RBFOX1: variants seen among roughly 807,000 people sequenced by gnomAD.
RBFOX1 encodes RNA binding fox-1 homolog 1.
RBFOX1 carries 8 observed loss-of-function variants against 57.7 expected under a neutral mutation model. The ratio of observed to expected loss-of-function variants is 0.14; its 90% CI spans 0.08 to 0.25. The LOEUF (loss-of-function observed/expected upper bound fraction) is 0.25, where lower values mean the gene tolerates loss of function less well. Among genes scored for constraint, RBFOX1 ranks in the 10% least tolerant of loss-of-function variants. The pLI, the probability that RBFOX1 is intolerant of heterozygous loss-of-function variation, is 1.00. For synonymous variants in RBFOX1, 326 were observed against 222.4 expected (o/e 1.47, Z -4.15); for missense variants, 611 against 548.5 (o/e 1.11, Z -1.14).
At chr16:5,677,876 G>T (rs983868323) in intron 3 of RBFOX1, among the ~76,000 whole-genome samples, 2 of 152,198 alleles carry the variant, frequency 1.3e-5, no homozygotes, top group East Asian at 3.9e-4. Context: ...GGTGCAAAGA[G>T]AGATGAAGTG....
intron 4 of RBFOX1, among the ~76,000 whole-genome samples, chr16:7,139,664 G>C (rs1258764353): frequency 6.6e-6 from 1 of 152,204 alleles, no homozygotes; most frequent in Admixed American, 6.5e-5. Flanking sequence ...TTGGTAAAGA[G>C]GCAAGGGAGA....
At chr16:5,312,636 A>T (rs773609017) in intron 1 of RBFOX1, among the ~76,000 whole-genome samples, 3 of 152,216 alleles carry the variant, frequency 2.0e-5, no homozygotes, top group Non-Finnish European at 2.9e-5. Context: ...ATTATAGATG[A>T]TATGGGATCC....
intron 3 of RBFOX1, among the ~76,000 whole-genome samples, chr16:6,947,592 T>G (rs1383128086): frequency 6.6e-6 from 1 of 152,204 alleles, no homozygotes; most frequent in Non-Finnish European, 1.5e-5. Context: ...GCTTGCTGCC[T>G]CCTGCCTTGC....
chr16:5,846,319 C>T (rs1197573912), intron 3 of RBFOX1, among the ~76,000 whole-genome samples: 1 of 152,068 alleles, frequency 6.6e-6, no homozygotes, highest in East Asian at 1.9e-4. Context: ...AGGGCACCCC[C>T]CTCTTAAAGT....
intron 4 of RBFOX1, among the ~76,000 whole-genome samples, chr16:7,197,153 C>T (rs7203102): frequency 0.6 from 91,436 of 151,920 alleles, 27,741 homozygotes; most frequent in Middle Eastern, 0.65. Flanking sequence ...TTCATTCTAG[C>T]GTTCTCTGGT....
intron 3 of RBFOX1, among the ~76,000 whole-genome samples, chr16:6,864,764 G>A (rs1299829218): frequency 6.6e-6 from 1 of 151,810 alleles, no homozygotes; most frequent in Non-Finnish European, 1.5e-5. Context: ...ATTTTTAAGT[G>A]TCTTTTTCCT....
chr16:5,606,600 C>G (rs531795146), intron 3 of RBFOX1, among the ~76,000 whole-genome samples: 1 of 152,142 alleles, frequency 6.6e-6, no homozygotes. Flanking sequence ...AGACTCAAAC[C>G]GTGCCCTCAA....
chr16:5,489,532 A>T (rs555839404), intron 2 of RBFOX1, among the ~76,000 whole-genome samples: 2 of 151,968 alleles, frequency 1.3e-5, no homozygotes, highest in Non-Finnish European at 1.5e-5. Context: ...TCCTTTTTTG[A>T]CTTGGTTTCT....
intron 4 of RBFOX1, among the ~76,000 whole-genome samples, chr16:7,444,467 C>CA (rs1180826169): frequency 6.6e-6 from 1 of 152,070 alleles, no homozygotes; most frequent in African/African-American, 2.4e-5. Flanking sequence ...GAGCAGAAAG[C>CA]AAAGGCAGCT....
At chr16:6,634,751 A>AAGATATATTTGTATTAAATATAC (rs2098417913) in intron 2 of RBFOX1, among the ~76,000 whole-genome samples, 2 of 141,276 alleles carry the variant, frequency 1.4e-5, no homozygotes, top group Non-Finnish European at 3.0e-5. Flanking sequence ...TAAATATACA[A>AAGATATATTTGTATTAAATATAC]AGATATACAT....
At chr16:7,034,006 A>T (rs1292392420) in intron 3 of RBFOX1, among the ~76,000 whole-genome samples, 2 of 152,182 alleles carry the variant, frequency 1.3e-5, no homozygotes, top group African/African-American at 4.8e-5. Context: ...ATTTAATTCA[A>T]TACTTAGTGA....
intron 1 of RBFOX1, among the ~76,000 whole-genome samples, chr16:6,287,859 A>G (rs950439540): frequency 6.6e-6 from 1 of 152,166 alleles, no homozygotes; most frequent in African/African-American, 2.4e-5. Flanking sequence ...TTTAGGAAAT[A>G]CTGGTAGAAC....
chr16:6,557,928 G>C (rs2097127714), intron 2 of RBFOX1, among the ~76,000 whole-genome samples: 2 of 152,040 alleles, frequency 1.3e-5, no homozygotes, highest in Non-Finnish European at 2.9e-5. Flanking sequence ...ACTGCTTATG[G>C]CATGCCCAAC....
intron 4 of RBFOX1, among the ~76,000 whole-genome samples, chr16:7,459,849 A>T (rs1369591785): frequency 6.6e-6 from 1 of 152,204 alleles, no homozygotes; most frequent in East Asian, 1.9e-4. Flanking sequence ...CACATTTATT[A>T]CTACTTTTAC....
chr16:5,769,018 C>A (rs960608402), intron 3 of RBFOX1, among the ~76,000 whole-genome samples: 1 of 151,314 alleles, frequency 6.6e-6, no homozygotes, highest in African/African-American at 2.4e-5. Flanking sequence ...GAGTGTCAAA[C>A]AATTTTGTCA....
At chr16:6,316,692 T>A (rs1177678086) in intron 1 of RBFOX1, among the ~76,000 whole-genome samples, 1 of 152,146 alleles carries the variant, frequency 6.6e-6, no homozygotes, top group African/African-American at 2.4e-5. Flanking sequence ...CGAGTTCAAA[T>A]TCAGGCTTCA....
At chr16:5,574,997 G>C (rs1411576998) in intron 2 of RBFOX1, among the ~76,000 whole-genome samples, 4 of 152,246 alleles carry the variant, frequency 2.6e-5, no homozygotes, top group East Asian at 1.9e-4. Flanking sequence ...TTGTCCCCTG[G>C]CTAACCAGAT....
chr16:6,519,144 C>G (rs2096451333), intron 2 of RBFOX1, among the ~76,000 whole-genome samples: 1 of 151,926 alleles, frequency 6.6e-6, no homozygotes, highest in Non-Finnish European at 1.5e-5. Context: ...AGCCAAATGT[C>G]TCTGCAGTCA....
intron 2 of RBFOX1, among the ~76,000 whole-genome samples, chr16:6,482,585 C>T (rs567836166): frequency 9.8e-5 from 15 of 152,304 alleles, no homozygotes; most frequent in Admixed American, 2.0e-4. Context: ...TCAACAGAGA[C>T]GACAGTTGTT....
Sources: allele counts gnomAD v4.1 joint callset (sites outside exome capture counted in the v4.1 genomes callset), GRCh38; gene constraint gnomAD v4.1.1; transcripts MANE v1.5; gene names NCBI Gene and HGNC (gene_info 2026-07-23, HGNC 2026-07-21).